Variants in BRDT observed in about 807,000 individuals in gnomAD.
BRDT encodes bromodomain testis associated, also known as bromodomain testis-specific protein.
BRDT carries 77 observed loss-of-function variants against 113.9 expected under a neutral mutation model. That is an observed-to-expected ratio of 0.68 (90% CI 0.56 to 0.82). The LOEUF (loss-of-function observed/expected upper bound fraction) is 0.82. Among genes scored for constraint, BRDT ranks in the 40% least tolerant of loss-of-function variants. BRDT has a pLI of 0.00. For synonymous variants in BRDT, 358 were observed against 366.5 expected (o/e 0.98, Z 0.26); for missense variants, 1,027 against 1,105.4 (o/e 0.93, Z 1.01).
At chr1:92,005,355 C>G in intron 18 of BRDT, 56 bp downstream of exon 18, 4 of 1,415,886 alleles carry the variant, frequency 2.8e-6, no homozygotes, top group Non-Finnish European at 2.8e-6. Context: ...TTTAACAGAG[C>G]ACTGTCTTTT....
chr1:91,959,882 T>C (rs1682241262), intron 1 of BRDT, among the ~76,000 whole-genome samples: 1 of 152,184 alleles, frequency 6.6e-6, no homozygotes, highest in African/African-American at 2.4e-5. Context: ...AATGTAGTAG[T>C]ACTCAATCTT....
At chr1:91,974,271 C>T (rs967723972) in intron 4 of BRDT, among the ~76,000 whole-genome samples, 6 of 152,086 alleles carry the variant, frequency 3.9e-5, no homozygotes, top group Admixed American at 1.3e-4. Context: ...CAACAAAAGC[C>T]GAAATAGACA....
At position 91,964,777 on chromosome 1, in the gene BRDT, T is replaced by C; in HGVS notation, c.330+13T>C. On this transcript the variant is annotated intron_variant, in intron 3 of 18. Transcript: ENST00000399546. ...TTTATATAACAAGGTATGTAAGCCT[T>C]ATGTTATACTTGCTAATTCTTTGCC... is the stretch of plus-strand genomic sequence containing the variant. The C allele has an allele frequency of 3.6e-6, 5 of 1,407,188 alleles. No individual in the cohort carries two copies. The highest frequency in any genetic ancestry group is 4.8e-6 in the Non-Finnish European group (5 of 1,049,750). The allele number at this position is 1,407,188 out of a possible 1,614,324, so 87.2% of individuals were successfully genotyped here.
chr1:92,000,182 C>T (rs1363953575), intron 15 of BRDT, among the ~76,000 whole-genome samples: 1 of 152,214 alleles, frequency 6.6e-6, no homozygotes, highest in Non-Finnish European at 1.5e-5. Context: ...CCAGTCTGGT[C>T]CCCAGATTTT....
Position 91,954,102 on chromosome 1 carries a change from G to A in BRDT, c.-38+4420G>A, listed in dbSNP as rs569913699. Among the ~76,000 whole-genome samples the A allele has an allele frequency of 1.0e-3, 153 of 152,110 alleles. 1 individual carries two copies. Among genetic ancestry groups the A allele is most frequent in the Admixed American group, 6.1e-3 (93 of 15,254 alleles). ...TTCTCCTGCCTCAGCCTCCCAAGTA[G>A]CTGGGACTACAGGCATGTGACACCA... is the stretch of plus-strand genomic sequence containing the variant. On this transcript the variant is annotated intron_variant, in intron 1 of 18. Coordinates refer to ENST00000399546, the MANE Select transcript of BRDT (RefSeq NM_207189.4).
chr1:91,998,704 C>T (rs1200445543), intron 15 of BRDT, among the ~76,000 whole-genome samples: 2 of 152,094 alleles, frequency 1.3e-5, no homozygotes, highest in Non-Finnish European at 2.9e-5. Flanking sequence ...AAGGCAGAAT[C>T]ACCTGATGTG....
At chr1:91,951,418 G>A (rs577843729) in intron 1 of BRDT, among the ~76,000 whole-genome samples, 31 of 152,086 alleles carry the variant, frequency 2.0e-4, no homozygotes, top group Non-Finnish European at 4.6e-4. Context: ...TTGTGCCCAT[G>A]TATTTGATAC....
chr1:91,975,040 C>T (rs147610430), intron 4 of BRDT, among the ~76,000 whole-genome samples: 1 of 152,126 alleles, frequency 6.6e-6, no homozygotes, highest in East Asian at 1.9e-4. Context: ...GACAGAAATC[C>T]AAACACCGTA....
At chr1:91,991,473 A>G (rs1685745085) in intron 13 of BRDT, among the ~76,000 whole-genome samples, 1 of 152,204 alleles carries the variant, frequency 6.6e-6, no homozygotes, top group East Asian at 1.9e-4. Context: ...AGCCAAATGG[A>G]TAAGTAGAAC....
intron 4 of BRDT, among the ~76,000 whole-genome samples, chr1:91,969,400 T>G (rs1319878755): frequency 6.6e-6 from 1 of 151,780 alleles, no homozygotes; most frequent in Non-Finnish European, 1.5e-5. Flanking sequence ...AATAGATCCT[T>G]AAGGTGGGTC....
At chr1:91,984,997 G>A (rs1685074974) in intron 12 of BRDT, among the ~76,000 whole-genome samples, 1 of 152,076 alleles carries the variant, frequency 6.6e-6, no homozygotes, top group African/African-American at 2.4e-5. Flanking sequence ...ACTGAAACTT[G>A]CAGTTGGATA....
At chr1:92,006,797 A>AT (rs1687354418) in intron 18 of BRDT, among the ~76,000 whole-genome samples, 1 of 146,034 alleles carries the variant, frequency 6.8e-6, no homozygotes, top group Admixed American at 6.9e-5. Flanking sequence ...ATTTTATTTT[A>AT]TTTTTTTGAG....
intron 17 of BRDT, among the ~76,000 whole-genome samples, 178 bp downstream of exon 17, chr1:92,004,797 CAAAT>C (rs1687156933): frequency 6.6e-6 from 1 of 152,072 alleles, no homozygotes; most frequent in African/African-American, 2.4e-5. Flanking sequence ...CTTTTGAAGA[CAAAT>C]AATCAAGGGA....
At chr1:91,994,867 C>CAAAAAA (rs11330809) in intron 15 of BRDT, among the ~76,000 whole-genome samples, 187 of 65,332 alleles carry the variant, frequency 2.9e-3, no homozygotes, top group Middle Eastern at 0.013. Flanking sequence ...GACTCCGTCT[C>CAAAAAA]AAAAAAAAAA....
intron 16 of BRDT, among the ~76,000 whole-genome samples, chr1:92,003,011 T>A (rs1033671373): frequency 6.6e-6 from 1 of 152,196 alleles, no homozygotes; most frequent in East Asian, 1.9e-4. Context: ...TTGCAAGTAC[T>A]TTAGAGGACA....
Position 91,994,063 on chromosome 1 carries a change from C to CT in BRDT, c.2116-17dup. 1.9e-6 allele frequency: 3 copies of CT among 1,575,178 alleles called. No homozygotes were observed. Among genetic ancestry groups the CT allele is most frequent in the Non-Finnish European group, 2.6e-6 (3 of 1,163,858 alleles). On this transcript the variant is annotated intron_variant, in intron 14 of 18. Coordinates refer to ENST00000399546, the MANE Select transcript of BRDT (RefSeq NM_207189.4). ...TTGTATGGTTAAAACTAAGTGATAACTTTGATTTTGTTTTAACAGATAGGA... is the reference window on the plus strand; with the variant it reads ...TTGTATGGTTAAAACTAAGTGATAACTTTTGATTTTGTTTTAACAGATAGGA...
In BRDT at chr1:92,005,257, T is replaced by C; in HGVS notation, c.2733T>C (p.Asp911=). 6.3e-7 allele frequency: 1 copy of C among 1,582,948 alleles called. No individual in the cohort carries two copies. Among genetic ancestry groups the C allele is most frequent in the African/African-American group, 1.4e-5 (1 of 72,974 alleles). ...KSKLWLLKDR[D]LARQKEQERR... is the part of the protein sequence containing the mutation. Reference sequence around the variant, plus strand: ...AACTCTGGCTTCTCAAAGACCGTGATTTAGCAAGGCAGAAAGAACAAGAGA... The same window carrying C: ...AACTCTGGCTTCTCAAAGACCGTGACTTAGCAAGGCAGAAAGAACAAGAGA... The change falls in exon 18 of 19, where the codon GAT becomes GAC. Residue 911 remains aspartate, a synonymous_variant. Coordinates refer to ENST00000399546, the MANE Select transcript of BRDT (RefSeq NM_207189.4).
At chr1:91,966,151 A>G (rs190740386) in intron 3 of BRDT, among the ~76,000 whole-genome samples, 268 of 152,108 alleles carry the variant, frequency 1.8e-3, no homozygotes, top group Non-Finnish European at 2.9e-3. Flanking sequence ...GGATTTGTGT[A>G]TTTGGTTTTC....
intron 17 of BRDT, 56 bp downstream of exon 17, chr1:92,004,675 T>C: frequency 1.4e-6 from 2 of 1,413,396 alleles, no homozygotes; most frequent in African/African-American, 2.9e-5. Flanking sequence ...GTATTTTAAA[T>C]ACATTAAATT....
Sources: gnomAD v4.1 joint callset for allele counts (sites outside exome capture counted in the v4.1 genomes callset) on GRCh38, gnomAD v4.1.1 for gene constraint, MANE v1.5 for transcripts, NCBI Gene and HGNC (gene_info 2026-07-23, HGNC 2026-07-21) for gene names.